Variants in PIF1 observed in about 807,000 individuals in gnomAD.
PIF1 encodes the protein PIF1 5'-to-3' DNA helicase.
PIF1 carries 67 observed loss-of-function variants against 62.3 expected under a neutral mutation model. The ratio of observed to expected loss-of-function variants is 1.08; its 90% CI spans 0.88 to 1.32. PIF1 has a LOEUF of 1.32. PIF1 is among the 40% of genes most tolerant of loss of function. The pLI, the probability that PIF1 is intolerant of heterozygous loss-of-function variation, is 0.00. For missense variants in PIF1, 886 were observed against 866.1 expected, an observed-to-expected ratio of 1.02 and a Z score of -0.29; for synonymous variants, 364 against 379.5, an observed-to-expected ratio of 0.96 and a Z score of 0.47.
upstream of PIF1, among the ~76,000 whole-genome samples, chr15:64,826,047 C>T (rs918886138): frequency 2.0e-5 from 3 of 152,200 alleles, no homozygotes; most frequent in Non-Finnish European, 4.4e-5. Context: ...TCTCACACCC[C>T]TGTTTACACT....
chr15:64,816,892 A>G lies in PIF1; in HGVS notation c.1675-127T>C, dbSNP rs928907687. ...CGTCCAGTCCAGAGAGTCTCTAGAC[A>G]GAGGGAGAGCATGACAGCAGGTGGC... On this transcript the variant is annotated intron_variant, in intron 11 of 12. Transcript: ENST00000559239. The G allele has an allele frequency of 8.8e-5, 75 of 847,994 alleles. No homozygotes were observed. The Admixed American group carries it at 1.2e-3, about 14-fold the overall frequency. The allele number at this position is 847,994 out of a possible 1,614,324, so 52.5% of individuals were successfully genotyped here.
rs1432333542 is a variant in PIF1, at chr15:64,824,073, A to G, written c.263T>C (p.Leu88Pro). Residue 88 changes from leucine to proline, a missense_variant, in exon 2 of 13, where the codon CTG (leucine) becomes CCG (proline). Physicochemically the swap from Leu to Pro is moderately conservative, Grantham distance 98. Coordinates refer to ENST00000559239, the MANE Select transcript of PIF1 (RefSeq NM_001286496.2). The part of the protein sequence containing the change: ...TRFAEAGRST[L>P]RLPAHDTPGA... ...GGGGGTGTCGTGGGCGGGGAGCCGC[A>G]GGGTGCTGCGCCCGGCCTCGGCGAA... is the stretch of plus-strand genomic sequence containing the variant. 4.0e-6 allele frequency: 5 copies of G among 1,264,944 alleles called. No individual in the cohort carries two copies. In the East Asian group the frequency reaches 1.6e-4, roughly 40 times the overall value. The allele number at this position is 1,264,944 out of a possible 1,614,324, so 78.4% of individuals were successfully genotyped here.
At position 64,816,016 on chromosome 15, in the gene PIF1, A is replaced by G; in HGVS notation, c.*282T>C. On this transcript the variant is annotated 3_prime_UTR_variant, in exon 13 of 13. Transcript: ENST00000559239. ...CCCTTGCAGAGAGCTTTGTCCTCTGACATCAGCTACCACACAGGCTCATTC... is the reference window on the plus strand; with the variant it reads ...CCCTTGCAGAGAGCTTTGTCCTCTGGCATCAGCTACCACACAGGCTCATTC... 6.7e-7 allele frequency: 1 copy of G among 1,484,926 alleles called. No homozygotes were observed. Among genetic ancestry groups the G allele is most frequent in the Non-Finnish European group, 8.9e-7 (1 of 1,117,860 alleles). The allele number at this position is 1,484,926 out of a possible 1,614,324, so 92.0% of individuals were successfully genotyped here. A position where few individuals can be genotyped will look rare whatever the true frequency, so the allele number is the denominator to read the frequency against.
chr15:64,819,007 C>G (rs755429056), intron 9 of PIF1, 110 bp downstream of exon 9: 15 of 717,796 alleles, frequency 2.1e-5, no homozygotes, highest in Non-Finnish European at 2.8e-5. Context: ...TCAGTGTGGT[C>G]AAAGCTGGGC....
intron 11 of PIF1, among the ~76,000 whole-genome samples, chr15:64,817,138 A>G (rs2084197456): frequency 6.6e-6 from 1 of 151,980 alleles, no homozygotes; most frequent in Non-Finnish European, 1.5e-5. Flanking sequence ...GGTTGTATAC[A>G]ATTTATACAA....
At chr15:64,817,795 G>A in intron 11 of PIF1, 151 bp downstream of exon 11, 1 of 838,114 alleles carries the variant, frequency 1.2e-6, no homozygotes, top group Non-Finnish European at 1.8e-6. Flanking sequence ...CTGGGAGGTG[G>A]AGGTTGCAGT....
At chr15:64,818,756 C>G (rs1423702533) in intron 9 of PIF1, 3 of 300,252 alleles carry the variant, frequency 1.0e-5, no homozygotes, top group African/African-American at 6.6e-5. Context: ...AATCTTCTGC[C>G]CACCCCCAAC....
chr15:64,821,647 CTG>C (rs1201026153), intron 4 of PIF1, 127 bp from the exon 5 acceptor site: 42 of 1,187,708 alleles, frequency 3.5e-5, no homozygotes, highest in Non-Finnish European at 4.4e-5. Flanking sequence ...TCTTGGCTCA[CTG>C]TAACCTGGGC....
intron 2 of PIF1, among the ~76,000 whole-genome samples, chr15:64,823,058 C>T (rs2084313245): frequency 6.6e-6 from 1 of 152,096 alleles, no homozygotes; most frequent in African/African-American, 2.4e-5. Context: ...TATGATTCAC[C>T]TGCCCCAGCC....
At position 64,816,121 on chromosome 15, in the gene PIF1, G is replaced by T; in HGVS notation, c.*177C>A. ...AGTGAGAGAAACTGAAGCACAGCTG[G>T]TATATGGGTTTAAAGTACTCTCCCT... On this transcript the variant is annotated 3_prime_UTR_variant, in exon 13 of 13. Coordinates refer to ENST00000559239, the MANE Select transcript of PIF1 (RefSeq NM_001286496.2). The T allele has an allele frequency of 6.8e-7, 1 of 1,461,472 alleles. No individual in the cohort carries two copies. Among genetic ancestry groups the T allele is most frequent in the Non-Finnish European group, 9.0e-7 (1 of 1,112,620 alleles). The allele number at this position is 1,461,472 out of a possible 1,614,324, so 90.5% of individuals were successfully genotyped here. A position where few individuals can be genotyped will look rare whatever the true frequency, so the allele number is the denominator to read the frequency against.
upstream of PIF1, among the ~76,000 whole-genome samples, chr15:64,826,292 A>G (rs2084366503): frequency 6.6e-6 from 1 of 152,058 alleles, no homozygotes; most frequent in Non-Finnish European, 1.5e-5. Context: ...CTTGCACAGG[A>G]TGCTGAAAGA....
chr15:64,819,441 G>C (rs981997540), intron 8 of PIF1, among the ~76,000 whole-genome samples: 1 of 152,076 alleles, frequency 6.6e-6, no homozygotes, highest in African/African-American at 2.4e-5. Flanking sequence ...CGAATAGCTG[G>C]GATTACAGGT....
upstream of PIF1, among the ~76,000 whole-genome samples, chr15:64,826,520 G>T (rs930279500): frequency 1.3e-5 from 2 of 149,296 alleles, no homozygotes; most frequent in African/African-American, 4.9e-5. Flanking sequence ...AACCTCTGCC[G>T]TGGCGCGATC....
In PIF1 at chr15:64,822,321, G is replaced by C; in HGVS notation, c.762C>G (p.Ala254=). ...TGTGGCAGGCTGCCACCCCAGTGCTGGCAGTGGCCACAGTGCCTGTGGGGG... is the reference window on the plus strand; with the variant it reads ...TGTGGCAGGCTGCCACCCCAGTGCTCGCAGTGGCCACAGTGCCTGTGGGGG... ...SLPPTGTVAT[A]STGVAACHIG... The change falls in exon 4 of 13, where the codon GCC becomes GCG. Residue 254 remains alanine, a synonymous_variant. Transcript: ENST00000559239. The C allele has an allele frequency of 6.2e-7, 1 of 1,613,794 alleles. No homozygotes were observed. Among genetic ancestry groups the C allele is most frequent in the Non-Finnish European group, 8.5e-7 (1 of 1,179,922 alleles).
upstream of PIF1, chr15:64,825,668 T>C (rs750239926): frequency 1.4e-4 from 21 of 152,182 alleles, no homozygotes; most frequent in Admixed American, 5.9e-4. Flanking sequence ...ATTTTTCAAA[T>C]GCTAGAGGCA....
In PIF1 at chr15:64,816,217, T is replaced by G. The variant is rs2084178596; in HGVS notation, c.*81A>C. 1 of 1,599,284 alleles carries G rather than the reference T, an allele frequency of 6.3e-7. No homozygotes were observed. Among genetic ancestry groups the G allele is most frequent in the South Asian group, 1.1e-5 (1 of 89,798 alleles). ...GACACTGCCTGCCTACTCCAGTTAT[T>G]CCCTGGGGCCCTGGGCCACTAGGGA... On this transcript the variant is annotated 3_prime_UTR_variant, in exon 13 of 13. Coordinates refer to ENST00000559239, the MANE Select transcript of PIF1 (RefSeq NM_001286496.2).
At chr15:64,826,210 C>G (rs1339451455), upstream of PIF1, among the ~76,000 whole-genome samples, 1 of 151,630 alleles carries the variant, frequency 6.6e-6, no homozygotes, top group Non-Finnish European at 1.5e-5. Flanking sequence ...AACTCTGAGA[C>G]CTGTGCCACG....
intron 11 of PIF1, 60 bp from the exon 12 acceptor site, chr15:64,816,825 G>A (rs563283030): frequency 1.4e-6 from 2 of 1,469,908 alleles, no homozygotes; most frequent in East Asian, 2.4e-5. Flanking sequence ...GCCCCGAAAG[G>A]CCTGACCCTT....
In PIF1 at chr15:64,824,366, C is replaced by T. The variant is rs1451577077; in HGVS notation, c.-19-12G>A. 17 of 1,241,424 alleles carry T rather than the reference C, an allele frequency of 1.4e-5. No individual in the cohort carries two copies. The highest frequency in any genetic ancestry group is 1.7e-5 in the Non-Finnish European group (17 of 992,412). 76.9% of individuals were successfully genotyped at this position (1,241,424 alleles called of 1,614,324 possible). On this transcript the variant is annotated splice_polypyrimidine_tract_variant and intron_variant, in intron 1 of 12. Transcript: ENST00000559239. ...CCGCCTCTGCTGGTCTGCGAAGACA[C>T]CGGAGCACAGGGGTCATGAGGATTC...
Sources: allele counts gnomAD v4.1 joint callset (sites outside exome capture counted in the v4.1 genomes callset), GRCh38; gene constraint gnomAD v4.1.1; transcripts MANE v1.5; gene names NCBI Gene and HGNC (gene_info 2026-07-23, HGNC 2026-07-21).